Variants in GALNTL5 observed in about 807,000 individuals in gnomAD.
The protein encoded by GALNTL5 is inactive polypeptide N-acetylgalactosaminyltransferase-like protein 5.
GALNTL5 carries 44 observed loss-of-function variants against 51.0 expected under a neutral mutation model. That is an observed-to-expected ratio of 0.86 (90% CI 0.68 to 1.11). GALNTL5 has a LOEUF of 1.11. Ranked by LOEUF, GALNTL5 falls within the 50% of genes least tolerant of loss-of-function variation. The pLI, the probability that GALNTL5 is intolerant of heterozygous loss-of-function variation, is 0.00. For synonymous variants in GALNTL5, 192 were observed against 182.8 expected, an observed-to-expected ratio of 1.05 and a Z score of -0.41; for missense variants, 528 against 531.8, an observed-to-expected ratio of 0.99 and a Z score of 0.07.
intron 6 of GALNTL5, among the ~76,000 whole-genome samples, chr7:152,007,322 A>G (rs2081657465): frequency 6.6e-6 from 1 of 152,120 alleles, no homozygotes. Context: ...GGTGAGAACT[A>G]AGTAAAAGTT....
intron 3 of GALNTL5, among the ~76,000 whole-genome samples, chr7:151,973,189 G>T (rs1256903010): frequency 6.6e-6 from 1 of 152,000 alleles, no homozygotes; most frequent in Non-Finnish European, 1.5e-5. Flanking sequence ...AGGCACTGTG[G>T]CTCAAGCCTA....
At chr7:151,981,645 T>C (rs557645862) in intron 3 of GALNTL5, among the ~76,000 whole-genome samples, 51 of 137,244 alleles carry the variant, frequency 3.7e-4, no homozygotes, top group African/African-American at 1.4e-3. Flanking sequence ...TTTCTCTCTC[T>C]CTCTCTCCCT....
intron 3 of GALNTL5, among the ~76,000 whole-genome samples, chr7:151,982,127 C>A (rs558236200): frequency 6.6e-6 from 1 of 152,008 alleles, no homozygotes; most frequent in South Asian, 2.1e-4. Context: ...ATAAAGTATT[C>A]TGGGGCCAGG....
At chr7:151,984,662 G>A (rs2081338340) in intron 4 of GALNTL5, among the ~76,000 whole-genome samples, 1 of 152,108 alleles carries the variant, frequency 6.6e-6, no homozygotes, top group African/African-American at 2.4e-5. Context: ...AGTGTGGAGT[G>A]AGGGCCTGGC....
At chr7:151,991,932 G>A (rs1270951013) in intron 5 of GALNTL5, among the ~76,000 whole-genome samples, 2 of 152,062 alleles carry the variant, frequency 1.3e-5, no homozygotes, top group Non-Finnish European at 2.9e-5. Flanking sequence ...ATTCAGATCT[G>A]CTTTTATATT....
intron 5 of GALNTL5, among the ~76,000 whole-genome samples, chr7:151,995,895 C>T (rs191320879): frequency 3.9e-5 from 6 of 152,034 alleles, no homozygotes; most frequent in Admixed American, 6.6e-5. Context: ...GCTAAGCTCC[C>T]GAAAGATTAG....
intron 3 of GALNTL5, among the ~76,000 whole-genome samples, chr7:151,977,195 A>C (rs2081217612): frequency 6.6e-6 from 1 of 152,210 alleles, no homozygotes; most frequent in Non-Finnish European, 1.5e-5. Flanking sequence ...AATAGGACTG[A>C]GAGATTTAAG....
At chr7:151,989,152 T>C (rs1240730196) in intron 5 of GALNTL5, among the ~76,000 whole-genome samples, 2 of 151,930 alleles carry the variant, frequency 1.3e-5, no homozygotes, top group Non-Finnish European at 2.9e-5. Context: ...GGATTTTATT[T>C]TTTCTCTTTT....
chr7:151,976,641 G>C (rs1441086730), intron 3 of GALNTL5, among the ~76,000 whole-genome samples: 1 of 151,958 alleles, frequency 6.6e-6, no homozygotes, highest in South Asian at 2.1e-4. Flanking sequence ...TTCTCCATGA[G>C]AATTCTAAAA....
chr7:151,968,571 C>T (rs1310564855), intron 2 of GALNTL5, among the ~76,000 whole-genome samples: 1 of 152,210 alleles, frequency 6.6e-6, no homozygotes, highest in Non-Finnish European at 1.5e-5. Flanking sequence ...AATTCTGGCT[C>T]TCAGTCTTAC....
chr7:151,964,270 C>T (rs2081029480), intron 1 of GALNTL5, among the ~76,000 whole-genome samples: 1 of 152,202 alleles, frequency 6.6e-6, no homozygotes, highest in African/African-American at 2.4e-5. Flanking sequence ...AATGCAGTCG[C>T]ACTGGGGCTT....
At chr7:152,017,856 T>C (rs1459110769) in intron 8 of GALNTL5, among the ~76,000 whole-genome samples, 7 of 152,076 alleles carry the variant, frequency 4.6e-5, no homozygotes, top group Non-Finnish European at 1.0e-4. Context: ...TTTTTTTTTC[T>C]TTCTTTTGAA....
chr7:151,961,870 T>C (rs1410245488), intron 1 of GALNTL5, among the ~76,000 whole-genome samples: 1 of 152,094 alleles, frequency 6.6e-6, no homozygotes, highest in Non-Finnish European at 1.5e-5. Flanking sequence ...TGCATACATA[T>C]AAAAAATAAA....
At chr7:151,970,634 G>A in intron 2 of GALNTL5, 1 of 227,804 alleles carries the variant, frequency 4.4e-6, no homozygotes, top group Non-Finnish European at 8.7e-6. Context: ...TTTACCTCCT[G>A]CCAAGATTGG....
At chr7:151,974,554 T>A (rs2081185135) in intron 3 of GALNTL5, among the ~76,000 whole-genome samples, 1 of 152,192 alleles carries the variant, frequency 6.6e-6, no homozygotes, top group Admixed American at 6.6e-5. Context: ...CATGATGTGG[T>A]ACACTCAAGA....
intron 1 of GALNTL5, among the ~76,000 whole-genome samples, chr7:151,962,920 T>C (rs1025023470): frequency 6.6e-6 from 1 of 152,164 alleles, no homozygotes; most frequent in Non-Finnish European, 1.5e-5. Flanking sequence ...ATGTCTTCTT[T>C]ATTTGCTTTT....
chr7:151,986,565 G>A (rs923554345), intron 4 of GALNTL5, among the ~76,000 whole-genome samples: 2 of 152,090 alleles, frequency 1.3e-5, no homozygotes, highest in African/African-American at 4.8e-5. Context: ...ATCCTGGGAG[G>A]TCAAGGCTGC....
rs80347386 is a variant in GALNTL5 at position 151,961,758 on chromosome 7, G to T, written c.-40+5149G>T. 8.6e-3 allele frequency among the ~76,000 whole-genome samples: 1,311 copies of T among 152,232 alleles called. 17 individuals are homozygous for T. The highest frequency in any genetic ancestry group is 0.03 in the African/African-American group (1,242 of 41,528). Reference sequence around the variant, plus strand: ...AGGGGCAGGGTCCAGGGGACAAGTGGCTGATGTATTCTTGTGTTTACCAGT... The same window carrying T: ...AGGGGCAGGGTCCAGGGGACAAGTGTCTGATGTATTCTTGTGTTTACCAGT... On this transcript the variant is annotated intron_variant, in intron 1 of 8. Coordinates refer to ENST00000392800, the MANE Select transcript of GALNTL5 (RefSeq NM_145292.4).
intron 3 of GALNTL5, 97 bp from the exon 4 acceptor site, chr7:151,982,889 T>C (rs530809723): frequency 1.2e-6 from 2 of 1,604,198 alleles, no homozygotes; most frequent in African/African-American, 1.3e-5. Flanking sequence ...GAGTAAAGAG[T>C]CAAAAAGATG....
Sources: gnomAD v4.1 joint callset for allele counts (sites outside exome capture counted in the v4.1 genomes callset) on GRCh38, gnomAD v4.1.1 for gene constraint, MANE v1.5 for transcripts, NCBI Gene and HGNC (gene_info 2026-07-23, HGNC 2026-07-21) for gene names.